Variants in TRHDE observed in about 807,000 individuals in gnomAD.
The protein encoded by TRHDE is thyrotropin-releasing hormone-degrading ectoenzyme.
Under a neutral mutation model 125.7 loss-of-function variants are expected in TRHDE, and 72 were observed. The observed-to-expected ratio is 0.57, with a 90% CI of 0.47 to 0.70. The LOEUF (loss-of-function observed/expected upper bound fraction) is 0.70. TRHDE is among the 30% of genes least tolerant of loss of function. The pLI is 0.00. For missense variants in TRHDE, 1,110 were observed against 1,327.1 expected (o/e 0.84, Z 2.54); for synonymous variants, 509 against 509.1 (o/e 1.00, Z 0.00).
chr12:72,317,472 T>C (rs1274783678), intron 2 of TRHDE, among the ~76,000 whole-genome samples: 1 of 152,160 alleles, frequency 6.6e-6, no homozygotes, highest in African/African-American at 2.4e-5. Flanking sequence ...AAGGCACTGG[T>C]AGGTTCGGTG....
At chr12:72,586,767 C>T (rs1418020505) in intron 12 of TRHDE, among the ~76,000 whole-genome samples, 2 of 145,644 alleles carry the variant, frequency 1.4e-5, no homozygotes, top group Non-Finnish European at 3.0e-5. Flanking sequence ...CTCTCCAGGA[C>T]ACCAGGTGGT....
At chr12:72,609,989 C>T (rs1592570222) in intron 12 of TRHDE, among the ~76,000 whole-genome samples, 1 of 152,224 alleles carries the variant, frequency 6.6e-6, no homozygotes, top group East Asian at 1.9e-4. Context: ...TTGTATTTTC[C>T]ATGGAAATCA....
intron 12 of TRHDE, among the ~76,000 whole-genome samples, chr12:72,602,864 T>G (rs999838100): frequency 6.6e-6 from 1 of 152,182 alleles, no homozygotes; most frequent in Non-Finnish European, 1.5e-5. Context: ...AATTGCCCTT[T>G]AGCCACAATC....
At chr12:72,106,455 A>G (rs918631531) in intron 2 of TRHDE, among the ~76,000 whole-genome samples, 1 of 152,164 alleles carries the variant, frequency 6.6e-6, no homozygotes, top group African/African-American at 2.4e-5. Context: ...TGAGAGAGAA[A>G]GACAACGAAT....
intron 15 of TRHDE, among the ~76,000 whole-genome samples, chr12:72,646,681 A>G (rs1874293683): frequency 1.3e-5 from 2 of 152,034 alleles, no homozygotes; most frequent in South Asian, 4.1e-4. Context: ...AAGCAGGTGT[A>G]GCTATGTCTA....
chr12:72,133,438 G>A (rs1443546009), intron 2 of TRHDE, among the ~76,000 whole-genome samples: 1 of 152,168 alleles, frequency 6.6e-6, no homozygotes, highest in East Asian at 1.9e-4. Context: ...AGAAGAGCAG[G>A]TTTGGAAGAG....
chr12:72,238,496 A>G (rs969087148), intron 2 of TRHDE, among the ~76,000 whole-genome samples: 6 of 150,074 alleles, frequency 4.0e-5, no homozygotes, highest in South Asian at 2.1e-4. Context: ...GCACCCATCA[A>G]CTCGTCACCT....
chr12:72,205,880 A>G (rs979452563), intron 2 of TRHDE, among the ~76,000 whole-genome samples: 2 of 152,128 alleles, frequency 1.3e-5, no homozygotes, highest in Non-Finnish European at 2.9e-5. Flanking sequence ...AAACGGGATT[A>G]TTGGATTTTA....
chr12:72,422,422 CTG>C (rs1381133489), intron 3 of TRHDE, among the ~76,000 whole-genome samples: 3 of 152,162 alleles, frequency 2.0e-5, no homozygotes, highest in Non-Finnish European at 4.4e-5. Context: ...TGTCAAGTGA[CTG>C]AGACATTTTG....
At chr12:72,280,915 C>A (rs748380511) in intron 1 of TRHDE, among the ~76,000 whole-genome samples, 3 of 152,106 alleles carry the variant, frequency 2.0e-5, no homozygotes, top group East Asian at 3.8e-4. Flanking sequence ...AATAAAAAAA[C>A]GTGAATCTCA....
intron 2 of TRHDE, among the ~76,000 whole-genome samples, chr12:72,170,950 G>A (rs1280027026): frequency 6.6e-6 from 1 of 152,102 alleles, no homozygotes; most frequent in South Asian, 2.1e-4. Context: ...CTATTCGAGA[G>A]CTTCTGGGTA....
At chr12:72,236,670 A>G (rs1878343810) in intron 2 of TRHDE, among the ~76,000 whole-genome samples, 1 of 152,198 alleles carries the variant, frequency 6.6e-6, no homozygotes, top group African/African-American at 2.4e-5. Flanking sequence ...TTAAAGTGAA[A>G]AAAACCCATA....
intron 2 of TRHDE, among the ~76,000 whole-genome samples, chr12:72,208,054 G>A (rs554269489): frequency 7.9e-5 from 12 of 152,200 alleles, no homozygotes; most frequent in African/African-American, 1.7e-4. Context: ...ACATTTTAGC[G>A]CTTGGGCTTT....
At chr12:72,397,319 C>A (rs1381678955) in intron 3 of TRHDE, among the ~76,000 whole-genome samples, 1 of 152,170 alleles carries the variant, frequency 6.6e-6, no homozygotes, top group Non-Finnish European at 1.5e-5. Flanking sequence ...AAGCCATCAC[C>A]TTTTTCCTCC....
rs376821002 is a variant in TRHDE at position 72,139,779 on chromosome 12, G to A, written n.279+34027G>A. On this transcript the variant is annotated intron_variant and non_coding_transcript_variant, in intron 2 of 4. Coordinates refer to the TRHDE transcript ENST00000548156. Reference sequence around the variant, plus strand: ...AAAATTCTAAGCCCCCCAACCAACCGAATGGACCCCTCTTCTCGGTCAAGG... The same window carrying A: ...AAAATTCTAAGCCCCCCAACCAACCAAATGGACCCCTCTTCTCGGTCAAGG... 2.0e-4 allele frequency among the ~76,000 whole-genome samples: 31 copies of A among 152,092 alleles called. No homozygotes were observed. In the South Asian group the frequency reaches 2.3e-3, roughly 11 times the overall value.
At chr12:72,367,816 A>G (rs904502253) in intron 2 of TRHDE, among the ~76,000 whole-genome samples, 2 of 152,192 alleles carry the variant, frequency 1.3e-5, no homozygotes, top group Admixed American at 1.3e-4. Context: ...AAGTAAATGT[A>G]TTGTTATAGT....
At chr12:72,593,514 TTTA>T (rs140264819) in intron 12 of TRHDE, among the ~76,000 whole-genome samples, 11 of 151,802 alleles carry the variant, frequency 7.2e-5, no homozygotes, top group African/African-American at 2.7e-4. Flanking sequence ...GTTTTACTCT[TTTA>T]TTATTATTAT....
chr12:72,575,248 T>C lies in TRHDE; in HGVS notation c.2132-7T>C. On this transcript the variant is annotated splice_polypyrimidine_tract_variant and splice_region_variant and intron_variant, in intron 10 of 18. Transcript: ENST00000261180. ...TTTGAAATCTATCCCAAAAATGCTT[T>C]TTTCAGAGCACCACAGAATAACTTA... 6.2e-7 allele frequency: 1 copy of C among 1,609,738 alleles called. No homozygotes were observed. Among genetic ancestry groups the C allele is most frequent in the South Asian group, 1.1e-5 (1 of 90,042 alleles).
At chr12:72,498,805 T>C (rs1175872670) in intron 5 of TRHDE, among the ~76,000 whole-genome samples, 1 of 152,180 alleles carries the variant, frequency 6.6e-6, no homozygotes, top group Non-Finnish European at 1.5e-5. Flanking sequence ...ATTTTTCTAT[T>C]TTCATTTCTT....
Sources: gnomAD v4.1 joint callset for allele counts (sites outside exome capture counted in the v4.1 genomes callset) on GRCh38, gnomAD v4.1.1 for gene constraint, MANE v1.5 for transcripts, NCBI Gene and HGNC (gene_info 2026-07-23, HGNC 2026-07-21) for gene names.